TLK1: variants seen among roughly 807,000 people sequenced by gnomAD.
TLK1 encodes serine/threonine-protein kinase tousled-like 1.
Under a neutral mutation model 105.3 loss-of-function variants are expected in TLK1, and 24 were observed. That is an observed-to-expected ratio of 0.23 (90% CI 0.17 to 0.32). The LOEUF (loss-of-function observed/expected upper bound fraction) is 0.32, where lower values mean the gene tolerates loss of function less well. Among genes scored for constraint, TLK1 ranks in the 10% least tolerant of loss-of-function variants. The pLI is 1.00. For missense variants in TLK1, 558 were observed against 910.5 expected (o/e 0.61, Z 4.98); for synonymous variants, 321 against 310.4 (o/e 1.03, Z -0.36).
At chr2:171,018,794 A>G (rs1238603680) in intron 12 of TLK1, among the ~76,000 whole-genome samples, 1 of 152,214 alleles carries the variant, frequency 6.6e-6, no homozygotes, top group Non-Finnish European at 1.5e-5. Flanking sequence ...AAAAGAAACA[A>G]AGAGACAAAC....
At chr2:171,227,568 C>CTTTTTTTTTTTTTTTTTTTTTTTTTT (rs71401413) in intron 1 of TLK1, among the ~76,000 whole-genome samples, 3 of 55,518 alleles carry the variant, frequency 5.4e-5, no homozygotes, top group Non-Finnish European at 9.9e-5. Flanking sequence ...AGTAAATCTC[C>CTTTTTTTTTTTTTTTTTTTTTTTTTT]TTTTTTTTTT....
chr2:171,167,933 C>T (rs1472423663), intron 1 of TLK1, among the ~76,000 whole-genome samples: 1 of 151,720 alleles, frequency 6.6e-6, no homozygotes, highest in African/African-American at 2.4e-5. Context: ...ACAAAGCAGG[C>T]AACTTTGAAA....
At position 171,000,567 on chromosome 2, in the gene TLK1, G is replaced by C. The variant is rs185762299; in HGVS notation, c.1905-2744C>G. ...GTAAGAGAAAATCACTATTCATTAA[G>C]TGAAAGTGGATTATGACAAAAGTTT... On this transcript the variant is annotated intron_variant, in intron 18 of 20. Transcript: ENST00000431350. Among the ~76,000 whole-genome samples, 8 of 152,144 alleles carry C rather than the reference G, an allele frequency of 5.3e-5. No homozygotes were observed. The East Asian group carries it at 9.6e-4, about 18-fold the overall frequency.
intron 8 of TLK1, among the ~76,000 whole-genome samples, chr2:171,052,403 G>C (rs547313009): frequency 1.3e-5 from 2 of 152,256 alleles, no homozygotes; most frequent in East Asian, 3.9e-4. Flanking sequence ...TATGTGCCCT[G>C]AAGACATGTA....
At chr2:171,081,083 G>A (rs1186659828) in intron 3 of TLK1, among the ~76,000 whole-genome samples, 1 of 152,128 alleles carries the variant, frequency 6.6e-6, no homozygotes, top group African/African-American at 2.4e-5. Context: ...TATATCCAAT[G>A]ATTAACCAAA....
At position 171,013,773 on chromosome 2, in the gene TLK1, TTC is replaced by T. The variant is rs1334744899; in HGVS notation, c.1334+1076_1334+1077del. On this transcript the variant is annotated intron_variant, in intron 13 of 20. Transcript: ENST00000431350. Reference sequence around the variant, plus strand: ...TCACACAGAAATTGGCCACTTCCTATTCTGATACTTATATTAACTCATGAAGC... The same window carrying T: ...TCACACAGAAATTGGCCACTTCCTATTGATACTTATATTAACTCATGAAGC... 5.9e-5 allele frequency among the ~76,000 whole-genome samples: 9 copies of T among 152,354 alleles called. No individual in the cohort carries two copies. In the East Asian group the frequency reaches 1.3e-3, roughly 23 times the overall value.
At chr2:171,225,346 A>G (rs1006020222) in intron 1 of TLK1, among the ~76,000 whole-genome samples, 1 of 152,226 alleles carries the variant, frequency 6.6e-6, no homozygotes, top group Non-Finnish European at 1.5e-5. Context: ...TTCCCCAAAG[A>G]AGACACACAA....
chr2:171,000,376 CAAAAAAAAA>C (rs34800888), intron 18 of TLK1, among the ~76,000 whole-genome samples: 5 of 78,348 alleles, frequency 6.4e-5, no homozygotes, highest in South Asian at 4.7e-4. Context: ...GAAACTCTGT[CAAAAAAAAA>C]AAAAAAAAAA....
At chr2:171,230,777 C>T (rs1693982188) in intron 1 of TLK1, among the ~76,000 whole-genome samples, 1 of 152,174 alleles carries the variant, frequency 6.6e-6, no homozygotes, top group Admixed American at 6.5e-5. Flanking sequence ...GGCTTGATGT[C>T]AGAACTTTTG....
At chr2:171,175,721 CCTT>C (rs1370417489) in intron 1 of TLK1, among the ~76,000 whole-genome samples, 3 of 152,166 alleles carry the variant, frequency 2.0e-5, no homozygotes, top group Non-Finnish European at 4.4e-5. Flanking sequence ...CTGATTGCTC[CCTT>C]CTTCTTAAAC....
chr2:171,170,638 A>T (rs1234724172), intron 1 of TLK1, among the ~76,000 whole-genome samples: 1 of 152,208 alleles, frequency 6.6e-6, no homozygotes, highest in Non-Finnish European at 1.5e-5. Flanking sequence ...ATGCGAAGTC[A>T]CAAGGTGAAA....
At chr2:171,005,215 T>A (rs926373671) in intron 18 of TLK1, among the ~76,000 whole-genome samples, 1 of 152,258 alleles carries the variant, frequency 6.6e-6, no homozygotes, top group African/African-American at 2.4e-5. Flanking sequence ...TTTTATAGTT[T>A]ATGTTCTCCA....
At chr2:171,189,235 C>T (rs1256687819) in intron 1 of TLK1, among the ~76,000 whole-genome samples, 4 of 148,736 alleles carry the variant, frequency 2.7e-5, no homozygotes, top group Admixed American at 6.7e-5. Flanking sequence ...GGCACAATCT[C>T]GGCTCACTGC....
intron 3 of TLK1, among the ~76,000 whole-genome samples, chr2:171,071,826 A>G (rs1001628755): frequency 2.6e-4 from 39 of 152,160 alleles, no homozygotes; most frequent in African/African-American, 8.7e-4. Flanking sequence ...TGCACCATTT[A>G]TTGAACAGAC....
At chr2:171,064,881 T>C (rs1439184071) in intron 3 of TLK1, among the ~76,000 whole-genome samples, 1 of 152,198 alleles carries the variant, frequency 6.6e-6, no homozygotes, top group African/African-American at 2.4e-5. Context: ...GTTGAAAGTT[T>C]GTTGAAAAAA....
At chr2:171,226,110 G>A (rs1693892826) in intron 1 of TLK1, among the ~76,000 whole-genome samples, 1 of 152,104 alleles carries the variant, frequency 6.6e-6, no homozygotes, top group Non-Finnish European at 1.5e-5. Flanking sequence ...GAAACAAATT[G>A]CATGTTAATC....
intron 2 of TLK1, among the ~76,000 whole-genome samples, chr2:171,097,357 ATT>A (rs1293763481): frequency 1.3e-5 from 2 of 152,224 alleles, no homozygotes; most frequent in Non-Finnish European, 2.9e-5. Context: ...AAGATATGAA[ATT>A]TTTAAAATAT....
intron 1 of TLK1, among the ~76,000 whole-genome samples, chr2:171,192,543 G>T (rs1343715962): frequency 6.6e-6 from 1 of 152,136 alleles, no homozygotes; most frequent in African/African-American, 2.4e-5. Context: ...AGCCGGGCAT[G>T]GTTGCACGTG....
At chr2:171,020,536 T>C (rs1372813425) in intron 12 of TLK1, among the ~76,000 whole-genome samples, 1 of 120,082 alleles carries the variant, frequency 8.3e-6, no homozygotes, top group East Asian at 2.3e-4. Context: ...CGAGACTGTC[T>C]AAAAAAAAAA....
Sources: allele counts gnomAD v4.1 joint callset (sites outside exome capture counted in the v4.1 genomes callset), GRCh38; gene constraint gnomAD v4.1.1; transcripts MANE v1.5; gene names NCBI Gene and HGNC (gene_info 2026-07-23, HGNC 2026-07-21).